FGF14: variants seen among roughly 807,000 people sequenced by gnomAD.
FGF14 encodes fibroblast growth factor 14, also known as fibroblast growth factor homologous factor 4.
Under a neutral mutation model 25.5 loss-of-function variants are expected in FGF14, and 5 were observed. The observed-to-expected ratio is 0.20, with a 90% CI of 0.10 to 0.41. The LOEUF is 0.41. FGF14 is among the 10% of genes least tolerant of loss of function. The pLI is 1.00. For missense variants in FGF14, 222 were observed against 320.1 expected, an observed-to-expected ratio of 0.69 and a Z score of 2.34; for synonymous variants, 138 against 118.3, an observed-to-expected ratio of 1.17 and a Z score of -1.08.
chr13:102,141,345 A>T (rs1026032293), intron 1 of FGF14, among the ~76,000 whole-genome samples: 2 of 152,182 alleles, frequency 1.3e-5, no homozygotes, highest in Non-Finnish European at 2.9e-5. Context: ...GGCCTTTTCT[A>T]TGAGGGTCAG....
At chr13:101,963,569 CTCT>C (rs2037001552) in intron 1 of FGF14, among the ~76,000 whole-genome samples, 1 of 152,168 alleles carries the variant, frequency 6.6e-6, no homozygotes, top group Non-Finnish European at 1.5e-5. Flanking sequence ...TATGCAATAG[CTCT>C]TCATTTTCTA....
intron 1 of FGF14, among the ~76,000 whole-genome samples, chr13:101,982,912 T>C (rs1308277560): frequency 6.6e-6 from 1 of 152,184 alleles, no homozygotes; most frequent in Non-Finnish European, 1.5e-5. Flanking sequence ...AAACCCATAT[T>C]TTTGAAGAGA....
At chr13:101,723,921 C>T (rs749193037) in intron 4 of FGF14, among the ~76,000 whole-genome samples, 28 of 152,024 alleles carry the variant, frequency 1.8e-4, no homozygotes, top group Non-Finnish European at 3.5e-4. Context: ...AGGTATTTTA[C>T]GAAGAGCCCT....
At chr13:102,264,011 C>CT (rs5806287) in intron 1 of FGF14, among the ~76,000 whole-genome samples, 100,602 of 144,246 alleles carry the variant, frequency 0.7, 35,099 homozygotes, top group African/African-American at 0.79. Flanking sequence ...TTTCTCTTTC[C>CT]TTTTTTTTTT....
At chr13:101,827,729 T>C (rs1216531967) in intron 3 of FGF14, among the ~76,000 whole-genome samples, 1 of 151,878 alleles carries the variant, frequency 6.6e-6, no homozygotes, top group African/African-American at 2.4e-5. Flanking sequence ...ACCACAATTA[T>C]GAAACATTAC....
At chr13:101,813,617 GCAGA>G (rs2041689173) in intron 3 of FGF14, among the ~76,000 whole-genome samples, 1 of 152,162 alleles carries the variant, frequency 6.6e-6, no homozygotes, top group South Asian at 2.1e-4. Flanking sequence ...ACAAACAGAT[GCAGA>G]CAGTCACCAT....
chr13:102,383,287 T>A lies in FGF14; in HGVS notation c.208+18184A>T, dbSNP rs1346895561. 2.0e-5 allele frequency among the ~76,000 whole-genome samples: 3 copies of A among 152,148 alleles called. No individual in the cohort carries two copies. In the South Asian group the frequency reaches 6.2e-4, roughly 31 times the overall value. On this transcript the variant is annotated intron_variant, in intron 1 of 4. Transcript: ENST00000376131. The stretch of plus-strand genomic sequence containing the variant: ...TAGATTTCTTAAATAACAAAAAAGT[T>A]CTTTGAAGTTGTGTTAGTATTCATT...
chr13:102,243,255 C>T (rs1316580367), intron 1 of FGF14, among the ~76,000 whole-genome samples: 1 of 152,086 alleles, frequency 6.6e-6, no homozygotes, highest in African/African-American at 2.4e-5. Context: ...AAGTGACGGT[C>T]TCTTTGTCAT....
intron 3 of FGF14, among the ~76,000 whole-genome samples, chr13:101,803,939 G>C (rs1225292959): frequency 6.6e-6 from 1 of 152,068 alleles, no homozygotes; most frequent in East Asian, 1.9e-4. Context: ...GAAATATATA[G>C]AAGCTATTTG....
chr13:102,152,160 T>A (rs1179477416), intron 1 of FGF14, among the ~76,000 whole-genome samples: 1 of 152,196 alleles, frequency 6.6e-6, no homozygotes, highest in East Asian at 1.9e-4. Context: ...ATGGTGGTTT[T>A]CTTTATCAAG....
intron 1 of FGF14, among the ~76,000 whole-genome samples, chr13:102,365,331 A>G (rs967676364): frequency 1.2e-4 from 19 of 152,128 alleles, no homozygotes; most frequent in African/African-American, 1.9e-4. Flanking sequence ...GGAAATGGAA[A>G]GATCTGAAGT....
intron 1 of FGF14, among the ~76,000 whole-genome samples, chr13:101,972,261 G>C (rs997171219): frequency 1.3e-5 from 2 of 152,204 alleles, no homozygotes; most frequent in Admixed American, 6.5e-5. Context: ...AGTGCTGAAC[G>C]AGGTTGCTGG....
intron 1 of FGF14, among the ~76,000 whole-genome samples, chr13:102,146,353 G>T (rs755739452): frequency 1.3e-5 from 2 of 152,008 alleles, no homozygotes; most frequent in African/African-American, 2.4e-5. Flanking sequence ...TCATTTTAAG[G>T]TAAGCATTAG....
intron 1 of FGF14, among the ~76,000 whole-genome samples, chr13:101,984,420 A>C (rs1329302074): frequency 6.6e-6 from 1 of 152,188 alleles, no homozygotes; most frequent in Non-Finnish European, 1.5e-5. Flanking sequence ...TAAAAAATCT[A>C]TCTAGTACTT....
intron 3 of FGF14, among the ~76,000 whole-genome samples, chr13:101,823,474 G>A (rs2042254275): frequency 6.7e-6 from 1 of 150,114 alleles, no homozygotes; most frequent in Non-Finnish European, 1.5e-5. Context: ...TTTTGCTCTT[G>A]TTGCCCAGGC....
At chr13:102,019,655 C>T (rs934750068) in intron 1 of FGF14, among the ~76,000 whole-genome samples, 2 of 152,098 alleles carry the variant, frequency 1.3e-5, no homozygotes, top group African/African-American at 4.8e-5. Flanking sequence ...AATGTTTCTC[C>T]CCAAAATGAG....
chr13:101,954,278 A>G (rs2036368474), intron 1 of FGF14, among the ~76,000 whole-genome samples: 1 of 124,330 alleles, frequency 8.0e-6, no homozygotes, highest in Admixed American at 1.0e-4. Context: ...GTCCCTGAAG[A>G]GTTATGGAGC....
At chr13:101,913,613 G>A (rs2033173258) in intron 1 of FGF14, among the ~76,000 whole-genome samples, 1 of 152,100 alleles carries the variant, frequency 6.6e-6, no homozygotes, top group Non-Finnish European at 1.5e-5. Context: ...ACTTGACAAT[G>A]TGCTTAAAAT....
intron 1 of FGF14, among the ~76,000 whole-genome samples, chr13:101,929,602 C>T (rs1027554539): frequency 4.0e-4 from 61 of 152,362 alleles, no homozygotes; most frequent in African/African-American, 1.4e-3. Flanking sequence ...TGGGCGTTGT[C>T]ACGTCATCTG....
Sources: gnomAD v4.1 joint callset for allele counts (sites outside exome capture counted in the v4.1 genomes callset) on GRCh38, gnomAD v4.1.1 for gene constraint, MANE v1.5 for transcripts, NCBI Gene and HGNC (gene_info 2026-07-23, HGNC 2026-07-21) for gene names.